PIGU: variants seen among roughly 807,000 people sequenced by gnomAD.
The protein encoded by PIGU is GPI-anchor transamidase component PIGU.
In PIGU, 24 loss-of-function variants were observed where a neutral mutation model predicts 49.9. The observed-to-expected ratio is 0.48, with a 90% CI of 0.35 to 0.68. The LOEUF (loss-of-function observed/expected upper bound fraction) is 0.68. PIGU is among the 30% of genes least tolerant of loss of function. The probability of loss-of-function intolerance (pLI) is 0.01; values close to 1 mark genes in which losing one functional copy is unlikely to be tolerated. For missense variants in PIGU, 490 were observed against 532.6 expected (o/e 0.92, Z 0.79); for synonymous variants, 220 against 205.7 (o/e 1.07, Z -0.59).
chr20:34,613,952 C>T (rs541760029), intron 7 of PIGU, among the ~76,000 whole-genome samples: 5 of 152,226 alleles, frequency 3.3e-5, no homozygotes, highest in East Asian at 1.9e-4. Context: ...AAGAACAATA[C>T]GACTTTTCAC....
chr20:34,589,649 CTTTTTT>C (rs34119895), intron 7 of PIGU, among the ~76,000 whole-genome samples: 1 of 53,672 alleles, frequency 1.9e-5, no homozygotes, highest in Non-Finnish European at 3.1e-5. Flanking sequence ...CTGCACCTGG[CTTTTTT>C]TTTTTTTTTT....
intron 11 of PIGU, among the ~76,000 whole-genome samples, chr20:34,566,111 C>T (rs1022787172): frequency 2.0e-5 from 3 of 152,146 alleles, no homozygotes; most frequent in East Asian, 3.9e-4. Context: ...CATACACGCA[C>T]GCTTGCCTGC....
intron 2 of PIGU, among the ~76,000 whole-genome samples, chr20:34,646,128 T>C (rs1986337046): frequency 6.6e-6 from 1 of 152,186 alleles, no homozygotes; most frequent in Non-Finnish European, 1.5e-5. Context: ...TGTTATTTCT[T>C]CCTCAAAGAT....
chr20:34,572,713 G>A (rs993616183), intron 11 of PIGU, among the ~76,000 whole-genome samples: 3 of 152,144 alleles, frequency 2.0e-5, no homozygotes, highest in African/African-American at 7.2e-5. Context: ...ATGCCCATCA[G>A]CAGGGCTGTA....
intron 2 of PIGU, among the ~76,000 whole-genome samples, chr20:34,650,517 T>C (rs1215276933): frequency 6.6e-6 from 1 of 151,532 alleles, no homozygotes; most frequent in Non-Finnish European, 1.5e-5. Context: ...GATCTGCCCA[T>C]CTTGGCCTTC....
At chr20:34,613,582 G>A (rs1456234729) in intron 7 of PIGU, among the ~76,000 whole-genome samples, 1 of 152,152 alleles carries the variant, frequency 6.6e-6, no homozygotes, top group Non-Finnish European at 1.5e-5. Context: ...CCATCCATGT[G>A]TATGAATATA....
intron 10 of PIGU, 102 bp from the exon 11 acceptor site, chr20:34,575,348 T>C (rs751503793): frequency 2.1e-5 from 30 of 1,412,502 alleles, no homozygotes; most frequent in Non-Finnish European, 2.9e-5. Flanking sequence ...GTGAGCATCA[T>C]GTAGCTCAAA....
At chr20:34,578,890 C>T (rs1349092024) in intron 10 of PIGU, 2 of 152,156 alleles carry the variant, frequency 1.3e-5, no homozygotes, top group East Asian at 3.8e-4. Context: ...CTTGCGAGGC[C>T]AGATGGAATC....
chr20:34,562,961 C>G (rs1444501613), intron 11 of PIGU, among the ~76,000 whole-genome samples: 4 of 152,210 alleles, frequency 2.6e-5, no homozygotes, highest in Admixed American at 1.3e-4. Context: ...GGGGCAGGTG[C>G]AGTCACAATC....
chr20:34,603,243 T>G (rs1245092753), intron 7 of PIGU, among the ~76,000 whole-genome samples: 3 of 152,168 alleles, frequency 2.0e-5, no homozygotes, highest in African/African-American at 7.2e-5. Context: ...TCAGGAGGCT[T>G]GGTTTTTGTT....
chr20:34,565,492 C>T (rs1035237386), intron 11 of PIGU, among the ~76,000 whole-genome samples: 1 of 152,002 alleles, frequency 6.6e-6, no homozygotes, highest in Non-Finnish European at 1.5e-5. Context: ...GATCTCCAGA[C>T]CTCATGATCC....
At chr20:34,641,070 T>C (rs1466557785) in intron 4 of PIGU, among the ~76,000 whole-genome samples, 1 of 152,108 alleles carries the variant, frequency 6.6e-6, no homozygotes, top group East Asian at 1.9e-4. Flanking sequence ...ATTTTTATAT[T>C]TTTAGTAGAG....
At chr20:34,564,327 T>A (rs1982653619) in intron 11 of PIGU, among the ~76,000 whole-genome samples, 1 of 152,220 alleles carries the variant, frequency 6.6e-6, no homozygotes, top group Admixed American at 6.5e-5. Flanking sequence ...TCTCTGCAAC[T>A]TTTCTATAAA....
chr20:34,591,238 C>T (rs1983968115), intron 7 of PIGU, among the ~76,000 whole-genome samples: 1 of 151,928 alleles, frequency 6.6e-6, no homozygotes, highest in Admixed American at 6.6e-5. Context: ...TATAACAGTT[C>T]TAAATTTGAA....
At chr20:34,674,633 T>C (rs949522949) in intron 1 of PIGU, among the ~76,000 whole-genome samples, 1 of 151,890 alleles carries the variant, frequency 6.6e-6, no homozygotes, top group African/African-American at 2.4e-5. Context: ...GAGCTCATAA[T>C]ATAGTGGAAA....
At chr20:34,572,019 G>A (rs1983033632) in intron 11 of PIGU, among the ~76,000 whole-genome samples, 1 of 152,056 alleles carries the variant, frequency 6.6e-6, no homozygotes, top group African/African-American at 2.4e-5. Flanking sequence ...AGGTTGGTGT[G>A]GCCTGCCTGA....
At chr20:34,668,011 T>C (rs757713954) in intron 1 of PIGU, among the ~76,000 whole-genome samples, 7 of 152,030 alleles carry the variant, frequency 4.6e-5, no homozygotes, top group African/African-American at 7.2e-5. Flanking sequence ...CCAAAATCCA[T>C]TACCTCCGTC....
intron 7 of PIGU, among the ~76,000 whole-genome samples, chr20:34,593,795 G>A (rs1984089287): frequency 6.6e-6 from 1 of 152,130 alleles, no homozygotes; most frequent in Admixed American, 6.6e-5. Context: ...TGGTGAACTT[G>A]TCTTTAACTT....
chr20:34,616,641 G>C (rs1405535315), intron 6 of PIGU, among the ~76,000 whole-genome samples: 1 of 151,970 alleles, frequency 6.6e-6, no homozygotes, highest in African/African-American at 2.4e-5. Context: ...TATTAATTTT[G>C]TTAGTAATGT....
Sources: allele counts gnomAD v4.1 joint callset (sites outside exome capture counted in the v4.1 genomes callset), GRCh38; gene constraint gnomAD v4.1.1; transcripts MANE v1.5; gene names NCBI Gene and HGNC (gene_info 2026-07-23, HGNC 2026-07-21).